Variants in PCDH15 observed in about 807,000 individuals in gnomAD.
PCDH15 encodes the protein protocadherin-15.
In PCDH15, 129 loss-of-function variants were observed where a neutral mutation model predicts 178.5. The observed-to-expected ratio is 0.72, with a 90% CI of 0.63 to 0.84. PCDH15 has a LOEUF of 0.84. Among genes scored for constraint, PCDH15 ranks in the 40% least tolerant of loss-of-function variants. The pLI is 0.00. For synonymous variants in PCDH15, 800 were observed against 732.0 expected, an observed-to-expected ratio of 1.09 and a Z score of -1.50; for missense variants, 2,230 against 2,099.9, an observed-to-expected ratio of 1.06 and a Z score of -1.21.
In PCDH15 at chr10:54,047,565, C is replaced by T. The variant is rs1470279347; in HGVS notation, c.2220+19192G>A. Among the ~76,000 whole-genome samples the T allele has an allele frequency of 2.0e-5, 3 of 151,880 alleles. No homozygotes were observed. In the South Asian group the frequency reaches 6.2e-4, roughly 32 times the overall value. ...TTTTCAGTTTTCAACCCTTGTGCCC[C>T]TCCCCCAGTCTCTTCTCTAGTAGTC... On this transcript the variant is annotated intron_variant, in intron 18 of 37. Coordinates refer to ENST00000644397, the MANE Select transcript of PCDH15 (RefSeq NM_001384140.1).
intron 31 of PCDH15, among the ~76,000 whole-genome samples, chr10:53,828,279 A>G (rs1234648138): frequency 1.3e-5 from 2 of 149,532 alleles, no homozygotes; most frequent in African/African-American, 2.5e-5. Context: ...TTACAGCTAC[A>G]CTGCTGTTTT....
At chr10:54,519,209 C>T (rs1187500106) in intron 3 of PCDH15, among the ~76,000 whole-genome samples, 1 of 152,104 alleles carries the variant, frequency 6.6e-6, no homozygotes, top group Non-Finnish European at 1.5e-5. Context: ...AAGTTCTGGC[C>T]AGGGCAATGA....
intron 2 of PCDH15, among the ~76,000 whole-genome samples, chr10:55,467,741 G>A (rs552273457): frequency 8.6e-5 from 13 of 151,694 alleles, no homozygotes; most frequent in East Asian, 7.8e-4. Context: ...CAAGGCAGGC[G>A]GATCATGAGG....
At chr10:55,336,455 A>G (rs7898428) in intron 2 of PCDH15, among the ~76,000 whole-genome samples, 80,968 of 151,944 alleles carry the variant, frequency 0.53, 21,927 homozygotes, top group African/African-American at 0.59. Context: ...CCAAGGTCAC[A>G]CCACTGCACT....
chr10:55,269,175 AT>A (rs1469395822), intron 1 of PCDH15, among the ~76,000 whole-genome samples: 3 of 152,120 alleles, frequency 2.0e-5, no homozygotes, highest in Non-Finnish European at 4.4e-5. Flanking sequence ...AGCCAACACC[AT>A]ATGGAATGGG....
intron 9 of PCDH15, among the ~76,000 whole-genome samples, chr10:54,235,238 TCTAACTTTGATAA>T (rs2054508887): frequency 6.6e-6 from 1 of 152,208 alleles, no homozygotes; most frequent in Non-Finnish European, 1.5e-5. Context: ...TTCACAACTT[TCTAACTTTGATAA>T]TAAACACTTA....
rs1169100269 is a variant in PCDH15, at chr10:54,378,926, G to T, written c.174C>A (p.Asp58Glu). ...EESRNGTILVDNMLIKGTAGG... is the reference protein window; with the variant it reads ...EESRNGTILVENMLIKGTAGG... ...CAGCAGTCCCTTTGATCAGCATGTT[G>T]TCCACCAGAATTGTACCTGCAAACC... Residue 58 changes from aspartate (D) to glutamate (E), a missense_variant, in exon 4 of 38, where the codon GAC becomes GAA. Coordinates refer to ENST00000644397, the MANE Select transcript of PCDH15 (RefSeq NM_001384140.1). 6.2e-7 allele frequency: 1 copy of T among 1,613,668 alleles called. No homozygotes were observed. Among genetic ancestry groups the T allele is most frequent in the Non-Finnish European group, 8.5e-7 (1 of 1,179,762 alleles).
intron 21 of PCDH15, among the ~76,000 whole-genome samples, chr10:53,963,275 T>C (rs1303561792): frequency 6.6e-6 from 1 of 152,194 alleles, no homozygotes; most frequent in Non-Finnish European, 1.5e-5. Flanking sequence ...GTTAGTTCAG[T>C]CCTTTCATAT....
intron 21 of PCDH15, among the ~76,000 whole-genome samples, chr10:53,984,176 G>C (rs1347144966): frequency 8.7e-6 from 1 of 115,012 alleles, no homozygotes; most frequent in Non-Finnish European, 1.6e-5. Flanking sequence ...TTGAGGCAGA[G>C]TCTTGCTCTG....
At chr10:54,969,953 T>C (rs1388340921) in intron 2 of PCDH15, among the ~76,000 whole-genome samples, 1 of 152,236 alleles carries the variant, frequency 6.6e-6, no homozygotes, top group Non-Finnish European at 1.5e-5. Flanking sequence ...TGTTGTCTTT[T>C]TGCAAGCCTT....
intron 2 of PCDH15, among the ~76,000 whole-genome samples, chr10:55,422,035 T>C (rs181971180): frequency 1.3e-5 from 2 of 151,852 alleles, no homozygotes; most frequent in Non-Finnish European, 3.0e-5. Context: ...TTGAGTATAT[T>C]TAGCCCAACC....
intron 2 of PCDH15, among the ~76,000 whole-genome samples, chr10:54,938,339 T>G (rs1837958860): frequency 6.7e-6 from 1 of 149,966 alleles, no homozygotes; most frequent in Non-Finnish European, 1.5e-5. Flanking sequence ...AGTCTGCTAG[T>G]ATTAAGTGAA....
At chr10:53,865,834 A>G (rs2079413013) in intron 27 of PCDH15, among the ~76,000 whole-genome samples, 1 of 152,322 alleles carries the variant, frequency 6.6e-6, no homozygotes, top group Admixed American at 6.5e-5. Context: ...AAAATTTATG[A>G]TGTAAAGAAC....
intron 3 of PCDH15, among the ~76,000 whole-genome samples, chr10:54,827,057 A>G (rs1564544514): frequency 6.6e-6 from 1 of 152,106 alleles, no homozygotes; most frequent in Admixed American, 6.6e-5. Flanking sequence ...CCTGGTTCCA[A>G]GTGCACATAT....
chr10:53,905,490 T>C (rs2082617396), intron 25 of PCDH15, among the ~76,000 whole-genome samples: 1 of 152,090 alleles, frequency 6.6e-6, no homozygotes, highest in Non-Finnish European at 1.5e-5. Context: ...TGCGCCACCA[T>C]GGCTGGCTAA....
chr10:54,999,691 G>C (rs1175200658), intron 2 of PCDH15, among the ~76,000 whole-genome samples: 1 of 152,206 alleles, frequency 6.6e-6, no homozygotes, highest in South Asian at 2.1e-4. Context: ...ACAGTACTGG[G>C]TTGAGCGATA....
At chr10:55,494,740 T>C (rs1277283123) in intron 2 of PCDH15, among the ~76,000 whole-genome samples, 1 of 151,802 alleles carries the variant, frequency 6.6e-6, no homozygotes, top group Non-Finnish European at 1.5e-5. Context: ...TCTCTTTTGA[T>C]GCTAGTGAGA....
chr10:54,424,564 G>A (rs887244760), intron 3 of PCDH15, among the ~76,000 whole-genome samples: 8 of 149,770 alleles, frequency 5.3e-5, no homozygotes, highest in African/African-American at 1.8e-4. Context: ...GCACACATAT[G>A]TTCACTGTGG....
chr10:54,795,562 C>G (rs1383434468), intron 1 of PCDH15, among the ~76,000 whole-genome samples: 1 of 151,844 alleles, frequency 6.6e-6, no homozygotes, highest in Non-Finnish European at 1.5e-5. Flanking sequence ...AATATGTATT[C>G]TTTCATCAAA....
Sources: allele counts gnomAD v4.1 joint callset (sites outside exome capture counted in the v4.1 genomes callset), GRCh38; gene constraint gnomAD v4.1.1; transcripts MANE v1.5; gene names NCBI Gene and HGNC (gene_info 2026-07-23, HGNC 2026-07-21).